The following UNC79 variants were observed in gnomAD, a reference collection of about 807,000 sequenced individuals.
The protein encoded by UNC79 is unc-79 subunit of NALCN channel complex.
UNC79 carries 37 observed loss-of-function variants against 283.1 expected under a neutral mutation model. The observed-to-expected ratio is 0.13, with a 90% confidence interval of 0.10 to 0.17. The LOEUF (loss-of-function observed/expected upper bound fraction) is 0.17. Among genes scored for constraint, UNC79 ranks in the 10% least tolerant of loss-of-function variants. The probability of loss-of-function intolerance (pLI) is 1.00; values close to 1 mark genes in which losing one functional copy is unlikely to be tolerated. For synonymous variants in UNC79, 1,107 were observed against 1,200.2 expected (o/e 0.92, Z 1.61); for missense variants, 2,272 against 3,211.1 (o/e 0.71, Z 7.07).
chr14:93,554,790 TC>T (rs2062077379), intron 14 of UNC79, among the ~76,000 whole-genome samples: 1 of 152,210 alleles, frequency 6.6e-6, no homozygotes, highest in Admixed American at 6.5e-5. Context: ...CCCAAAACAA[TC>T]CTTAAACAAC....
At chr14:93,412,466 G>T (rs2055354533) in intron 1 of UNC79, among the ~76,000 whole-genome samples, 1 of 130,116 alleles carries the variant, frequency 7.7e-6, no homozygotes, top group Non-Finnish European at 1.6e-5. Context: ...TTAACCCAAA[G>T]AAGACTACCT....
intron 1 of UNC79, among the ~76,000 whole-genome samples, chr14:93,392,858 G>T (rs897207732): frequency 6.6e-6 from 1 of 152,194 alleles, no homozygotes; most frequent in Non-Finnish European, 1.5e-5. Context: ...TTGGTGATAG[G>T]TTACAAAGGA....
chr14:93,650,670 A>G (rs1281245641), intron 35 of UNC79, among the ~76,000 whole-genome samples: 3 of 152,134 alleles, frequency 2.0e-5, no homozygotes, highest in Non-Finnish European at 4.4e-5. Flanking sequence ...GTAAGACTTT[A>G]TATATACTGA....
intron 1 of UNC79, among the ~76,000 whole-genome samples, chr14:93,342,207 A>G (rs1041283091): frequency 6.6e-6 from 1 of 152,172 alleles, no homozygotes; most frequent in African/African-American, 2.4e-5. Context: ...GTTTTCATAC[A>G]TCCTCTAAAA....
At chr14:93,492,983 A>G (rs1310694081) in intron 5 of UNC79, among the ~76,000 whole-genome samples, 1 of 152,298 alleles carries the variant, frequency 6.6e-6, no homozygotes, top group Non-Finnish European at 1.5e-5. Flanking sequence ...AGCTTATCGT[A>G]TGGTCGGGTT....
chr14:93,646,471 T>A (rs2069617675), intron 34 of UNC79, 137 bp from the exon 38 acceptor site: 7 of 783,594 alleles, frequency 8.9e-6, no homozygotes, highest in Non-Finnish European at 1.2e-5. Flanking sequence ...GGGCCCTCTG[T>A]ACTGTCAAGG....
chr14:93,469,396 A>G (rs1196895341), intron 2 of UNC79, among the ~76,000 whole-genome samples: 1 of 152,016 alleles, frequency 6.6e-6, no homozygotes, highest in East Asian at 1.9e-4. Flanking sequence ...AACAATTGCA[A>G]CCATTTTTTT....
intron 19 of UNC79, 89 bp downstream of exon 19, chr14:93,580,465 C>T: frequency 1.6e-6 from 2 of 1,266,500 alleles, no homozygotes; most frequent in Non-Finnish European, 2.2e-6. Flanking sequence ...CCAGCAGCAT[C>T]TTATACTCCA....
At chr14:93,388,797 G>C (rs2054828217) in intron 1 of UNC79, among the ~76,000 whole-genome samples, 1 of 152,182 alleles carries the variant, frequency 6.6e-6, no homozygotes, top group African/African-American at 2.4e-5. Context: ...TTTCTGAGGA[G>C]GAACCTTGAT....
At chr14:93,587,522 T>C (rs1436565320) in intron 22 of UNC79, among the ~76,000 whole-genome samples, 1 of 152,190 alleles carries the variant, frequency 6.6e-6, no homozygotes, top group Non-Finnish European at 1.5e-5. Context: ...ACAAACCACA[T>C]TGAGGCTCTA....
At chr14:93,634,751 A>G in intron 31 of UNC79, 114 bp downstream of exon 34, 1 of 1,089,008 alleles carries the variant, frequency 9.2e-7, no homozygotes. Context: ...TCTTTGGTTC[A>G]GGTAATTTTT....
intron 1 of UNC79, among the ~76,000 whole-genome samples, chr14:93,446,079 G>T (rs764481321): frequency 6.6e-6 from 1 of 151,958 alleles, no homozygotes; most frequent in Non-Finnish European, 1.5e-5. Flanking sequence ...TGGTTTCAAT[G>T]ATTTTCTCTA....
chr14:93,691,956 C>A lies in UNC79; in HGVS notation c.7470+10C>A, dbSNP rs1318796321. On this transcript the variant is annotated intron_variant, in intron 46 of 48. Coordinates refer to ENST00000555664, the Ensembl canonical transcript of UNC79. ...GGCCCATAACAAAGTGGTGAGTTCA[C>A]AGACGAGTTTCCCTTCTGAGATGGA... 1 of 1,613,438 alleles carries A rather than the reference C, an allele frequency of 6.2e-7. No individual in the cohort carries two copies. Among genetic ancestry groups the A allele is most frequent in the Admixed American group, 1.7e-5 (1 of 60,022 alleles).
At chr14:93,366,592 A>C (rs1363792683) in intron 1 of UNC79, among the ~76,000 whole-genome samples, 1 of 145,542 alleles carries the variant, frequency 6.9e-6, no homozygotes, top group Non-Finnish European at 1.5e-5. Flanking sequence ...TTTTTATTTG[A>C]GACAGGGTTT....
chr14:93,466,875 A>G, intron 1 of UNC79: 1 of 985,414 alleles, frequency 1.0e-6, no homozygotes. Flanking sequence ...CAGGTCAGGA[A>G]TGTGGACAAT....
upstream of UNC79, among the ~76,000 whole-genome samples, chr14:93,429,075 C>A (rs1316410337): frequency 2.6e-5 from 4 of 152,224 alleles, no homozygotes; most frequent in South Asian, 4.1e-4. Flanking sequence ...TGTTAATTTC[C>A]AATTACTGTT....
At chr14:93,667,452 C>T (rs2072338836) in intron 40 of UNC79, among the ~76,000 whole-genome samples, 1 of 94,972 alleles carries the variant, frequency 1.1e-5, no homozygotes, top group African/African-American at 3.1e-5. Flanking sequence ...AAATCTTTGA[C>T]AGTAGGTACA....
intron 1 of UNC79, among the ~76,000 whole-genome samples, chr14:93,423,628 C>T (rs1360453408): frequency 6.6e-6 from 1 of 152,118 alleles, no homozygotes; most frequent in Non-Finnish European, 1.5e-5. Flanking sequence ...ACAGTCTCTT[C>T]AATAAATGGT....
At chr14:93,347,341 G>A (rs2053871752) in intron 1 of UNC79, 4 of 1,540,930 alleles carry the variant, frequency 2.6e-6, no homozygotes, top group African/African-American at 1.4e-5. Flanking sequence ...CCTGCAGCCC[G>A]CTCCCCGCTT....
Sources: gnomAD v4.1 joint callset for allele counts (sites outside exome capture counted in the v4.1 genomes callset) on GRCh38, gnomAD v4.1.1 for gene constraint, MANE v1.5 for transcripts, NCBI Gene and HGNC (gene_info 2026-07-23, HGNC 2026-07-21) for gene names.